Variants in FER1L6 observed in about 807,000 individuals in gnomAD.
FER1L6 encodes the protein fer-1 like family member 6.
A neutral mutation model predicts 219.2 loss-of-function variants in FER1L6; 177 were observed. The ratio of observed to expected loss-of-function variants is 0.81; its 90% CI spans 0.71 to 0.91. FER1L6 has a LOEUF of 0.91. Ranked by LOEUF, FER1L6 falls within the 40% of genes least tolerant of loss-of-function variation. The pLI is 0.00. For missense variants in FER1L6, 2,153 were observed against 2,259.9 expected, an observed-to-expected ratio of 0.95 and a Z score of 0.96; for synonymous variants, 768 against 824.3, an observed-to-expected ratio of 0.93 and a Z score of 1.17.
Position 123,973,430 on chromosome 8 carries a change from T to A in FER1L6, c.448-4T>A, listed in dbSNP as rs760834171. 7 of 1,612,832 alleles carry A rather than the reference T, an allele frequency of 4.3e-6. No individual in the cohort carries two copies. ...GCCATACTCCCTGCTCTCTCTCTCC[T>A]CAGGTCTTTCACCACAAGCTGATAG... On this transcript the variant is annotated splice_region_variant and splice_polypyrimidine_tract_variant and intron_variant, in intron 6 of 40. Coordinates refer to ENST00000522917, the MANE Select transcript of FER1L6 (RefSeq NM_001039112.2).
At chr8:123,973,587 C>A in intron 7 of FER1L6, 75 bp downstream of exon 7, 2 of 1,074,814 alleles carry the variant, frequency 1.9e-6, no homozygotes, top group Non-Finnish European at 2.9e-6. Context: ...CCCATTCATT[C>A]ACTCACCTGT....
intron 37 of FER1L6, among the ~76,000 whole-genome samples, chr8:124,100,657 A>C (rs1293744050): frequency 6.6e-6 from 1 of 152,210 alleles, no homozygotes; most frequent in African/African-American, 2.4e-5. Context: ...ATACCAGCCC[A>C]GTGCATGCCT....
chr8:124,034,040 G>A (rs1819092461), intron 18 of FER1L6, among the ~76,000 whole-genome samples: 1 of 152,050 alleles, frequency 6.6e-6, no homozygotes, highest in Non-Finnish European at 1.5e-5. Flanking sequence ...AAACAGCCAT[G>A]CTCAATTTCG....
chr8:123,902,443 TC>T, intron 1 of FER1L6, among the ~76,000 whole-genome samples: 1 of 152,348 alleles, frequency 6.6e-6, no homozygotes, highest in African/African-American at 2.4e-5. Context: ...GCTGTCCATC[TC>T]ATTTCTTAGG....
chr8:123,886,829 G>A (rs16898997), intron 1 of FER1L6, among the ~76,000 whole-genome samples: 4,093 of 152,282 alleles, frequency 0.027, 176 homozygotes, highest in African/African-American at 0.093. Flanking sequence ...TGAATAAATA[G>A]GCCTTAGCCT....
intron 2 of FER1L6, among the ~76,000 whole-genome samples, chr8:123,959,176 C>CTGTA (rs1408678894): frequency 6.6e-6 from 1 of 152,166 alleles, no homozygotes; most frequent in East Asian, 1.9e-4. Context: ...TGAATGAGTG[C>CTGTA]TGTAGAAGAA....
chr8:124,112,459 T>C (rs1173221285), intron 39 of FER1L6, among the ~76,000 whole-genome samples: 4 of 152,250 alleles, frequency 2.6e-5, no homozygotes, highest in Non-Finnish European at 5.9e-5. Context: ...TACGACCATG[T>C]TCTTCGTGAA....
chr8:123,883,407 C>T (rs530224966), intron 1 of FER1L6, among the ~76,000 whole-genome samples: 2 of 152,296 alleles, frequency 1.3e-5, no homozygotes, highest in East Asian at 1.9e-4. Context: ...GCCAGGGAAT[C>T]GGCTGAGAGC....
rs764866693 is a variant in FER1L6 at position 124,053,943 on chromosome 8, G to A, written c.2874+4187G>A. ...ATTTTTACTTCCCTCCTCTATCCAA[G>A]TTAGCTGCCCCCGTCCTCCCTATCC... is the stretch of plus-strand genomic sequence containing the variant. On this transcript the variant is annotated intron_variant, in intron 22 of 40. Coordinates refer to ENST00000522917, the MANE Select transcript of FER1L6 (RefSeq NM_001039112.2). Among the ~76,000 whole-genome samples, 52 of 152,226 alleles carry A rather than the reference G, an allele frequency of 3.4e-4. No individual in the cohort carries two copies. In the Middle Eastern group the frequency reaches 0.01, roughly 30 times the overall value.
In FER1L6 at chr8:124,101,133, A is replaced by G; in HGVS notation, c.4920A>G (p.Thr1640=). 2 of 1,613,778 alleles carry G rather than the reference A, an allele frequency of 1.2e-6. No homozygotes were observed. The highest frequency in any genetic ancestry group is 4.5e-5 in the East Asian group (2 of 44,840). Residue 1640 remains threonine, a synonymous_variant, in exon 38 of 41, where the codon ACA becomes ACG. Transcript: ENST00000522917. Reference sequence around the variant, plus strand: ...GCTTGGAGGATGACAAGCAGGAGACAGATGTGCATTACAACTCCCTGACTG... The same window carrying G: ...GCTTGGAGGATGACAAGCAGGAGACGGATGTGCATTACAACTCCCTGACTG... ...LKGLEDDKQE[T]DVHYNSLTGE... is the part of the protein sequence containing the mutation.
chr8:124,002,102 C>T (rs574105669), intron 12 of FER1L6, among the ~76,000 whole-genome samples: 3 of 152,246 alleles, frequency 2.0e-5, no homozygotes, highest in African/African-American at 7.2e-5. Flanking sequence ...GTGGGCTGGG[C>T]TTTTATATCC....
rs182299217 is a variant in FER1L6, at chr8:124,118,729, C to T, written c.5290-115C>T. The T allele has an allele frequency of 8.1e-5, 70 of 866,246 alleles. 1 individual carries two copies. Among genetic ancestry groups the T allele is most frequent in the African/African-American group, 2.2e-4 (13 of 58,656 alleles). 53.7% of individuals were successfully genotyped at this position (866,246 alleles called of 1,614,324 possible). ...AACAACATTTATCAAAATAAAGCAG[C>T]GGGATAATCAAAATACTTTCTGGAA... is the stretch of plus-strand genomic sequence containing the variant. On this transcript the variant is annotated intron_variant, in intron 39 of 40. Transcript: ENST00000522917.
In FER1L6 at chr8:124,060,201, G is replaced by T. The variant is rs775590144; in HGVS notation, c.2896G>T (p.Gly966Cys). Residue 966 changes from glycine to cysteine, a missense_variant, in exon 23 of 41, where the codon GGC becomes TGC. Transcript: ENST00000522917. Reference protein sequence around the residue: ...LLQVPPSGLQGLPPVEPPDIT... With the variant: ...LLQVPPSGLQCLPPVEPPDIT... ...GTAGGTTCCTCCTTCTGGGCTGCAA[G>T]GCCTCCCACCCGTTGAGCCACCAGA... 9 of 1,613,964 alleles carry T rather than the reference G, an allele frequency of 5.6e-6. No individual in the cohort carries two copies. The Admixed American group carries it at 1.5e-4, about 27-fold the overall frequency.
intron 37 of FER1L6, among the ~76,000 whole-genome samples, chr8:124,100,362 AGGTACATTTAGGCATCATCTC>A (rs1347574664): frequency 1.4e-4 from 22 of 152,234 alleles, no homozygotes; most frequent in African/African-American, 5.3e-4. Flanking sequence ...GGAATGTCCA[AGGTACATTTAGGCATCATCTC>A]ATGTGATTTT....
chr8:123,882,426 G>A (rs1377524989), intron 1 of FER1L6, among the ~76,000 whole-genome samples: 4 of 152,142 alleles, frequency 2.6e-5, no homozygotes, highest in African/African-American at 9.7e-5. Context: ...TGCTTACTTG[G>A]TTGGGTGCAG....
chr8:124,002,984 T>C (rs1203861497), intron 12 of FER1L6, among the ~76,000 whole-genome samples, 183 bp from the exon 13 acceptor site: 1 of 152,156 alleles, frequency 6.6e-6, no homozygotes, highest in African/African-American at 2.4e-5. Context: ...GAAAATAAGA[T>C]GGATAGAGAT....
chr8:123,856,316 G>GTGTGTGTGTGTATATATATA (rs71576706), intron 1 of FER1L6, among the ~76,000 whole-genome samples: 5 of 45,088 alleles, frequency 1.1e-4, no homozygotes, highest in African/African-American at 4.3e-4. Context: ...ATATGTATGT[G>GTGTGTGTGTGTATATATATA]TATATATATA....
At chr8:124,115,511 A>C (rs1586363729) in intron 39 of FER1L6, among the ~76,000 whole-genome samples, 1 of 152,134 alleles carries the variant, frequency 6.6e-6, no homozygotes, top group East Asian at 1.9e-4. Flanking sequence ...AAGTAATTTA[A>C]TATTCTCTGC....
chr8:124,013,779 G>A, intron 15 of FER1L6: 1 of 264,216 alleles, frequency 3.8e-6, no homozygotes, highest in Non-Finnish European at 7.3e-6. Context: ...AGACTCTGTA[G>A]GAAACAAGAA....
Sources: allele counts gnomAD v4.1 joint callset (sites outside exome capture counted in the v4.1 genomes callset), GRCh38; gene constraint gnomAD v4.1.1; transcripts MANE v1.5; gene names NCBI Gene and HGNC (gene_info 2026-07-23, HGNC 2026-07-21).